The following EPHB1 variants were observed in gnomAD, a reference collection of about 807,000 sequenced individuals.
EPHB1 encodes EPH receptor B1, also known as ephrin type-B receptor 1.
Under a neutral mutation model 94.4 loss-of-function variants are expected in EPHB1, and 30 were observed. The observed-to-expected ratio is 0.32, with a 90% confidence interval of 0.24 to 0.43. The LOEUF (loss-of-function observed/expected upper bound fraction) is 0.43, where lower values mean the gene tolerates loss of function less well. Among genes scored for constraint, EPHB1 ranks in the 20% least tolerant of loss-of-function variants. EPHB1 has a pLI of 1.00. For synonymous variants in EPHB1, 522 were observed against 489.1 expected, an observed-to-expected ratio of 1.07 and a Z score of -0.89; for missense variants, 1,055 against 1,308.3, an observed-to-expected ratio of 0.81 and a Z score of 2.99.
chr3:134,805,756 G>A (rs1322641285), intron 1 of EPHB1, among the ~76,000 whole-genome samples: 1 of 152,038 alleles, frequency 6.6e-6, no homozygotes, highest in Non-Finnish European at 1.5e-5. Context: ...TTCTTTTCTG[G>A]CTAACCCTAA....
intron 3 of EPHB1, among the ~76,000 whole-genome samples, chr3:135,083,447 A>G (rs1938230772): frequency 6.6e-6 from 1 of 151,886 alleles, no homozygotes; most frequent in African/African-American, 2.4e-5. Flanking sequence ...AGGGAGGGTT[A>G]GGGAAGCAAC....
chr3:135,214,861 A>G (rs976919626), intron 12 of EPHB1, among the ~76,000 whole-genome samples: 3 of 152,212 alleles, frequency 2.0e-5, no homozygotes, highest in African/African-American at 7.2e-5. Flanking sequence ...CCATTTCTAG[A>G]ACTTTCTTTC....
chr3:135,169,298 C>A (rs956743266), intron 9 of EPHB1, among the ~76,000 whole-genome samples: 1 of 152,176 alleles, frequency 6.6e-6, no homozygotes, highest in Non-Finnish European at 1.5e-5. Context: ...AGTCGCCATT[C>A]CTGGGACTCA....
chr3:134,801,591 G>C (rs1242119558), intron 1 of EPHB1, among the ~76,000 whole-genome samples: 1 of 152,248 alleles, frequency 6.6e-6, no homozygotes, highest in Non-Finnish European at 1.5e-5. Context: ...TGTCTCCAAA[G>C]ATGGTGGAGA....
At chr3:135,071,500 G>C (rs998164339) in intron 3 of EPHB1, among the ~76,000 whole-genome samples, 3 of 152,192 alleles carry the variant, frequency 2.0e-5, no homozygotes, top group Non-Finnish European at 2.9e-5. Context: ...CTGAAGGCAA[G>C]CTGCAGTTAT....
At chr3:135,087,542 G>C (rs1938402028) in intron 3 of EPHB1, among the ~76,000 whole-genome samples, 1 of 152,154 alleles carries the variant, frequency 6.6e-6, no homozygotes, top group Non-Finnish European at 1.5e-5. Context: ...CCTTTATGCT[G>C]ATGGGCAGCA....
chr3:134,885,621 A>G (rs2037847555), intron 1 of EPHB1, among the ~76,000 whole-genome samples: 1 of 152,180 alleles, frequency 6.6e-6, no homozygotes, highest in Non-Finnish European at 1.5e-5. Context: ...CTTCTATAGC[A>G]TCCAAGGAGT....
At chr3:135,183,206 C>G (rs1419411497) in intron 10 of EPHB1, among the ~76,000 whole-genome samples, 3 of 122,952 alleles carry the variant, frequency 2.4e-5, no homozygotes, top group African/African-American at 8.0e-5. Flanking sequence ...CTTCCTCCCT[C>G]CCTCCCTTCC....
chr3:135,161,231 A>T (rs1424396265), intron 6 of EPHB1, among the ~76,000 whole-genome samples: 1 of 152,220 alleles, frequency 6.6e-6, no homozygotes. Context: ...AAGTGTGCAG[A>T]TGACAGGGAC....
intron 15 of EPHB1, among the ~76,000 whole-genome samples, chr3:135,254,698 C>A (rs1053520642): frequency 6.6e-6 from 1 of 152,000 alleles, no homozygotes; most frequent in Non-Finnish European, 1.5e-5. Flanking sequence ...GTGTCTCTGC[C>A]TGGCTTTGGT....
intron 4 of EPHB1, among the ~76,000 whole-genome samples, chr3:135,114,728 G>GATAGATAAATAA (rs372220116): frequency 2.0e-3 from 273 of 133,726 alleles, no homozygotes; most frequent in African/African-American, 6.8e-3. Flanking sequence ...GTCTCAGATA[G>GATAGATAAATAA]ATAAATAAAT....
chr3:135,011,355 C>T (rs932421767), intron 3 of EPHB1, among the ~76,000 whole-genome samples: 1 of 152,172 alleles, frequency 6.6e-6, no homozygotes, highest in African/African-American at 2.4e-5. Flanking sequence ...CAGGATGCAT[C>T]TTGATTTTAT....
chr3:135,229,357 C>G (rs559969979), intron 12 of EPHB1, among the ~76,000 whole-genome samples: 9 of 152,244 alleles, frequency 5.9e-5, no homozygotes, highest in South Asian at 4.1e-4. Context: ...GCGGGAGAAA[C>G]CATGCCAAGA....
intron 5 of EPHB1, among the ~76,000 whole-genome samples, chr3:135,140,317 A>C (rs1390291806): frequency 6.6e-6 from 1 of 152,044 alleles, no homozygotes; most frequent in Non-Finnish European, 1.5e-5. Context: ...AGTCAAGTCA[A>C]CTCCATGAAC....
chr3:134,895,533 C>T (rs1449366697), intron 1 of EPHB1, among the ~76,000 whole-genome samples: 1 of 152,186 alleles, frequency 6.6e-6, no homozygotes, highest in Non-Finnish European at 1.5e-5. Flanking sequence ...TGGAAATTTT[C>T]CAGGCTTGGA....
intron 1 of EPHB1, among the ~76,000 whole-genome samples, chr3:134,869,840 T>C (rs1249997429): frequency 6.6e-6 from 1 of 152,250 alleles, no homozygotes; most frequent in Non-Finnish European, 1.5e-5. Context: ...ATTCATGCTT[T>C]ATTGGTTTAT....
chr3:135,152,288 A>T (rs1941218270), intron 5 of EPHB1, among the ~76,000 whole-genome samples: 1 of 152,234 alleles, frequency 6.6e-6, no homozygotes, highest in Non-Finnish European at 1.5e-5. Flanking sequence ...TGGGAAGAAG[A>T]TAACTTTCAA....
intron 1 of EPHB1, among the ~76,000 whole-genome samples, chr3:134,894,178 C>T (rs1025221520): frequency 6.6e-6 from 1 of 152,176 alleles, no homozygotes; most frequent in Non-Finnish European, 1.5e-5. Flanking sequence ...GTGTGGGGCT[C>T]CTAATATTCC....
intron 1 of EPHB1, among the ~76,000 whole-genome samples, chr3:134,892,913 G>A (rs933969038): frequency 2.0e-5 from 3 of 151,992 alleles, no homozygotes; most frequent in Non-Finnish European, 4.4e-5. Context: ...GCTTTGCTGA[G>A]CCCCAGCTAG....
Sources: gnomAD v4.1 joint callset for allele counts (sites outside exome capture counted in the v4.1 genomes callset) on GRCh38, gnomAD v4.1.1 for gene constraint, MANE v1.5 for transcripts, NCBI Gene and HGNC (gene_info 2026-07-23, HGNC 2026-07-21) for gene names.